SORT1: variants seen among roughly 807,000 people sequenced by gnomAD.
SORT1 encodes the protein sortilin.
SORT1 carries 39 observed loss-of-function variants against 101.7 expected under a neutral mutation model. That is an observed-to-expected ratio of 0.38 (90% CI 0.30 to 0.50). SORT1 has a LOEUF of 0.50. Among genes scored for constraint, SORT1 ranks in the 20% least tolerant of loss-of-function variants. The pLI is 0.90. For synonymous variants in SORT1, 396 were observed against 393.7 expected (o/e 1.01, Z -0.07); for missense variants, 878 against 1,040.4 (o/e 0.84, Z 2.15).
At chr1:109,381,919 C>A (rs1652266684) in intron 1 of SORT1, among the ~76,000 whole-genome samples, 1 of 151,922 alleles carries the variant, frequency 6.6e-6, no homozygotes, top group African/African-American at 2.4e-5. Flanking sequence ...TCAATAGCAA[C>A]TGTCTTTAAG....
At chr1:109,391,406 T>C (rs562862114) in intron 1 of SORT1, among the ~76,000 whole-genome samples, 1 of 152,332 alleles carries the variant, frequency 6.6e-6, no homozygotes, top group South Asian at 2.1e-4. Flanking sequence ...GCCTCTCCCA[T>C]ATGAATCATA....
rs988142507 is a variant in SORT1, at chr1:109,313,309, TTCTTCC to T, written c.*728_*733del. 2.6e-4 allele frequency: 39 copies of T among 152,788 alleles called. No individual in the cohort carries two copies. The highest frequency in any genetic ancestry group is 2.9e-5 in the Non-Finnish European group (2 of 68,124). 9.5% of individuals were successfully genotyped at this position (152,788 alleles called of 1,614,324 possible). ...ATCTAGTCAATTCTCTGCTGCTCCC[TTCTTCC>T]TGCCCCAAGTTAAAAATATTGCCCT... On this transcript the variant is annotated 3_prime_UTR_variant, in exon 20 of 20. Transcript: ENST00000256637.
At chr1:109,397,141 GC>G (rs1653225359) in intron 1 of SORT1, 1 of 152,170 alleles carries the variant, frequency 6.6e-6, no homozygotes, top group African/African-American at 2.4e-5. Flanking sequence ...TGACCAGATC[GC>G]TGCTTCGGGC....
intron 7 of SORT1, among the ~76,000 whole-genome samples, chr1:109,346,433 C>T (rs1374069857): frequency 6.6e-6 from 1 of 151,442 alleles, no homozygotes; most frequent in Non-Finnish European, 1.5e-5. Context: ...AATTCTAATA[C>T]AGTGTTTCAT....
chr1:109,375,446 G>C (rs1024200512), intron 1 of SORT1, among the ~76,000 whole-genome samples: 3 of 150,494 alleles, frequency 2.0e-5, no homozygotes. Context: ...GGGAGGCTGA[G>C]GCAGGAGAAT....
At chr1:109,372,322 T>C (rs1462917291) in intron 1 of SORT1, among the ~76,000 whole-genome samples, 1 of 152,226 alleles carries the variant, frequency 6.6e-6, no homozygotes, top group African/African-American at 2.4e-5. Flanking sequence ...CCACTAGACC[T>C]GAGGTCCATC....
rs1648131392 is a variant in SORT1 at position 109,327,117 on chromosome 1, G to A, written c.1518C>T (p.Tyr506=). ...AGGAGTAACCCCCATCATCTGAGAT[G>A]TACACATCTGGAACCATCACTGAGA... ...DAISVMVPDV[Y]ISDDGGYSWT... is the part of the protein sequence containing the mutation. Residue 506 remains tyrosine (Y), a synonymous_variant, in exon 13 of 20, where the codon TAC becomes TAT. Coordinates refer to ENST00000256637, the MANE Select transcript of SORT1 (RefSeq NM_002959.7). The A allele has an allele frequency of 6.2e-7, 1 of 1,613,656 alleles. No individual in the cohort carries two copies. Among genetic ancestry groups the A allele is most frequent in the Non-Finnish European group, 8.5e-7 (1 of 1,179,828 alleles).
intron 1 of SORT1, among the ~76,000 whole-genome samples, chr1:109,395,750 A>G (rs1225766035): frequency 6.6e-6 from 1 of 152,100 alleles, no homozygotes. Context: ...TGACACATCA[A>G]TTCAAACTAA....
chr1:109,389,069 C>G (rs1209523373), intron 1 of SORT1, among the ~76,000 whole-genome samples: 1 of 152,358 alleles, frequency 6.6e-6, no homozygotes, highest in Non-Finnish European at 1.5e-5. Flanking sequence ...TATGCCTCAT[C>G]CGTCTGCTTT....
intron 11 of SORT1, among the ~76,000 whole-genome samples, chr1:109,328,130 C>T (rs959001912): frequency 6.6e-6 from 1 of 152,152 alleles, no homozygotes; most frequent in Non-Finnish European, 1.5e-5. Context: ...ACTTTATTTA[C>T]TCATTTATCT....
At chr1:109,337,026 C>T (rs78171284) in intron 10 of SORT1, among the ~76,000 whole-genome samples, 1,861 of 152,214 alleles carry the variant, frequency 0.012, 42 homozygotes, top group African/African-American at 0.042. Context: ...TCGGACAAGG[C>T]CATGACACTA....
At chr1:109,377,608 T>C (rs1229547320) in intron 1 of SORT1, among the ~76,000 whole-genome samples, 1 of 152,234 alleles carries the variant, frequency 6.6e-6, no homozygotes, top group Non-Finnish European at 1.5e-5. Context: ...TAACTTCACG[T>C]AGCTAAACAT....
chr1:109,338,888 T>G (rs1649019297), intron 10 of SORT1, among the ~76,000 whole-genome samples: 1 of 151,922 alleles, frequency 6.6e-6, no homozygotes, highest in African/African-American at 2.4e-5. Flanking sequence ...GATACTTTTT[T>G]TTTTTTTGAG....
intron 1 of SORT1, among the ~76,000 whole-genome samples, chr1:109,383,157 C>T (rs962040555): frequency 2.6e-5 from 4 of 152,168 alleles, no homozygotes; most frequent in Admixed American, 2.0e-4. Context: ...ACTGAAAAAA[C>T]TAACACCTGC....
At chr1:109,379,808 CT>C (rs1652105364) in intron 1 of SORT1, among the ~76,000 whole-genome samples, 1 of 152,088 alleles carries the variant, frequency 6.6e-6, no homozygotes, top group Non-Finnish European at 1.5e-5. Context: ...GATGAGGTTT[CT>C]TTTAGCACAT....
At chr1:109,382,938 G>A (rs577335455) in intron 1 of SORT1, among the ~76,000 whole-genome samples, 6 of 152,144 alleles carry the variant, frequency 3.9e-5, no homozygotes, top group South Asian at 2.1e-4. Flanking sequence ...TCATTTCTAC[G>A]ATCGTCTGAA....
intron 5 of SORT1, 56 bp downstream of exon 5, chr1:109,354,311 G>C (rs1650161331): frequency 7.4e-7 from 1 of 1,344,980 alleles, no homozygotes; most frequent in Admixed American, 1.8e-5. Flanking sequence ...TTCTAAGACA[G>C]TACATTTGAG....
In SORT1 at chr1:109,346,739, C is replaced by T. The variant is rs576354350; in HGVS notation, c.832+744G>A. On this transcript the variant is annotated intron_variant, in intron 7 of 19. Transcript: ENST00000256637. The stretch of plus-strand genomic sequence containing the variant: ...CAGCCTGGGCGACAGAGCAAGACTC[C>T]GTCTCAAAAAAAAAAAAAAAAAAAA... Among the ~76,000 whole-genome samples, 1,352 of 136,568 alleles carry T rather than the reference C, an allele frequency of 9.9e-3. 21 individuals carry two copies. The highest frequency in any genetic ancestry group is 0.037 in the African/African-American group (1,289 of 35,204). The allele number at this position is 136,568 out of a possible 152,430, so 89.6% of individuals were successfully genotyped here.
At chr1:109,320,863 T>C (rs1266520427) in intron 15 of SORT1, among the ~76,000 whole-genome samples, 5 of 152,206 alleles carry the variant, frequency 3.3e-5, no homozygotes, top group Non-Finnish European at 7.3e-5. Context: ...ATGCTGAAGA[T>C]ATCACCCCTC....
Sources: gnomAD v4.1 joint callset for allele counts (sites outside exome capture counted in the v4.1 genomes callset) on GRCh38, gnomAD v4.1.1 for gene constraint, MANE v1.5 for transcripts, NCBI Gene and HGNC (gene_info 2026-07-23, HGNC 2026-07-21) for gene names.